The following CDK6 variants were observed in gnomAD, a reference collection of about 807,000 sequenced individuals.
CDK6 encodes cyclin-dependent kinase 6.
In CDK6, 6 loss-of-function variants were observed where a neutral mutation model predicts 37.1. That is an observed-to-expected ratio of 0.16 (90% CI 0.09 to 0.32). CDK6 has a LOEUF of 0.32. CDK6 is among the 10% of genes least tolerant of loss of function. The pLI, the probability that CDK6 is intolerant of heterozygous loss-of-function variation, is 1.00. For missense variants in CDK6, 224 were observed against 418.9 expected, an observed-to-expected ratio of 0.53 and a Z score of 4.06; for synonymous variants, 160 against 161.3, an observed-to-expected ratio of 0.99 and a Z score of 0.06.
chr7:92,735,043 A>G (rs1346615563), intron 3 of CDK6, among the ~76,000 whole-genome samples: 1 of 152,172 alleles, frequency 6.6e-6, no homozygotes. Flanking sequence ...CCACAGATCA[A>G]ATCACTTTGC....
At chr7:92,715,582 G>A (rs1256701678) in intron 4 of CDK6, among the ~76,000 whole-genome samples, 2 of 152,216 alleles carry the variant, frequency 1.3e-5, no homozygotes, top group Non-Finnish European at 2.9e-5. Context: ...TCAATCCCTA[G>A]AGAGGGGGAA....
rs188251334 is a variant in CDK6, at chr7:92,775,046, T to G, written c.234-215A>C. Among the ~76,000 whole-genome samples the G allele has an allele frequency of 6.6e-5, 10 of 152,292 alleles. No individual in the cohort carries two copies. In the East Asian group the frequency reaches 1.7e-3, roughly 26 times the overall value. ...GGCACTCAGAGTGTGCGGTTAAGCATGAGAACATCTATAGTAACAATGAGA... is the reference window on the plus strand; with the variant it reads ...GGCACTCAGAGTGTGCGGTTAAGCAGGAGAACATCTATAGTAACAATGAGA... On this transcript the variant is annotated intron_variant, in intron 2 of 7. Transcript: ENST00000424848.
chr7:92,641,159 C>T (rs1288016874), intron 5 of CDK6, among the ~76,000 whole-genome samples: 1 of 152,004 alleles, frequency 6.6e-6, no homozygotes, highest in African/African-American at 2.4e-5. Flanking sequence ...TCTTTCTTTT[C>T]CTATTTTTAT....
intron 2 of CDK6, among the ~76,000 whole-genome samples, chr7:92,790,046 G>GT (rs1800243212): frequency 6.6e-6 from 1 of 152,086 alleles, no homozygotes; most frequent in Non-Finnish European, 1.5e-5. Flanking sequence ...GTACCTAGAG[G>GT]TTGGTAAATC....
At chr7:92,696,167 T>C (rs976387242) in intron 4 of CDK6, among the ~76,000 whole-genome samples, 6 of 152,182 alleles carry the variant, frequency 3.9e-5, no homozygotes, top group Non-Finnish European at 7.4e-5. Context: ...AAGCATCCAA[T>C]TTATGCAGAA....
intron 5 of CDK6, among the ~76,000 whole-genome samples, chr7:92,630,668 T>C (rs1194806635): frequency 6.6e-6 from 1 of 152,140 alleles, no homozygotes; most frequent in Non-Finnish European, 1.5e-5. Flanking sequence ...TAGTCAGATA[T>C]CGCAGGCTCA....
At chr7:92,790,260 T>C (rs1287848888) in intron 2 of CDK6, among the ~76,000 whole-genome samples, 1 of 152,142 alleles carries the variant, frequency 6.6e-6, no homozygotes, top group East Asian at 1.9e-4. Context: ...TTTCCCCACA[T>C]GTTCAATCAA....
chr7:92,657,778 T>A (rs2116573225), intron 5 of CDK6, among the ~76,000 whole-genome samples: 1 of 152,354 alleles, frequency 6.6e-6, no homozygotes, highest in African/African-American at 2.4e-5. Flanking sequence ...TGCAGTCGTG[T>A]AATCATAGCT....
chr7:92,712,949 C>T lies in CDK6; in HGVS notation c.537+12677G>A, dbSNP rs1312071783. On this transcript the variant is annotated intron_variant, in intron 4 of 7. Transcript: ENST00000424848. ...AGTGATCTTGGCTCACTGCAACCTC[C>T]GCCTCCTGGGTTCAAGCGATTCTCC... 3.3e-5 allele frequency among the ~76,000 whole-genome samples: 5 copies of T among 152,102 alleles called. No homozygotes were observed. In the East Asian group the frequency reaches 5.8e-4, roughly 18 times the overall value.
chr7:92,708,280 G>A (rs1466380457), intron 4 of CDK6, among the ~76,000 whole-genome samples: 1 of 152,172 alleles, frequency 6.6e-6, no homozygotes. Flanking sequence ...TGACTATAAT[G>A]AGTATATATT....
At chr7:92,673,778 CTTTT>C (rs948848931) in intron 4 of CDK6, among the ~76,000 whole-genome samples, 1 of 146,700 alleles carries the variant, frequency 6.8e-6, no homozygotes, top group African/African-American at 2.5e-5. Flanking sequence ...TTGTTCCTTC[CTTTT>C]TTTTTTTCTT....
chr7:92,620,904 T>C (rs1019802953), intron 6 of CDK6, among the ~76,000 whole-genome samples: 1 of 152,004 alleles, frequency 6.6e-6, no homozygotes, highest in Non-Finnish European at 1.5e-5. Flanking sequence ...CAAGACCTTG[T>C]CTCCAAAGAA....
intron 2 of CDK6, among the ~76,000 whole-genome samples, chr7:92,830,839 T>C (rs1321369582): frequency 6.6e-6 from 1 of 152,236 alleles, no homozygotes; most frequent in Non-Finnish European, 1.5e-5. Flanking sequence ...AGGCTAATTA[T>C]CCTCAAGGAT....
At chr7:92,705,866 T>G (rs993869023) in intron 4 of CDK6, among the ~76,000 whole-genome samples, 1 of 152,242 alleles carries the variant, frequency 6.6e-6, no homozygotes, top group African/African-American at 2.4e-5. Context: ...AGGTTGAATG[T>G]GCTACTCAGT....
chr7:92,635,432 CTCTGCTCA>C (rs1796147904), intron 5 of CDK6, among the ~76,000 whole-genome samples: 1 of 152,202 alleles, frequency 6.6e-6, no homozygotes, highest in African/African-American at 2.4e-5. Context: ...GCCACTTAAT[CTCTGCTCA>C]TCTGCTAAAA....
intron 3 of CDK6, among the ~76,000 whole-genome samples, chr7:92,772,151 T>TA (rs1799732328): frequency 6.6e-6 from 1 of 152,182 alleles, no homozygotes; most frequent in Non-Finnish European, 1.5e-5. Context: ...AATTATTTTT[T>TA]AAAAAACCTT....
At chr7:92,810,243 T>C (rs1800840454) in intron 2 of CDK6, among the ~76,000 whole-genome samples, 1 of 152,208 alleles carries the variant, frequency 6.6e-6, no homozygotes, top group Non-Finnish European at 1.5e-5. Context: ...CAGCATGCCT[T>C]TGTCAGCATG....
At chr7:92,653,822 GTTT>G (rs1215127123) in intron 5 of CDK6, among the ~76,000 whole-genome samples, 2 of 151,958 alleles carry the variant, frequency 1.3e-5, no homozygotes, top group Non-Finnish European at 2.9e-5. Context: ...GTCCAGGCTG[GTTT>G]CAAACTCCTG....
At chr7:92,666,139 A>G (rs1038003613) in intron 5 of CDK6, among the ~76,000 whole-genome samples, 6 of 152,336 alleles carry the variant, frequency 3.9e-5, no homozygotes, top group African/African-American at 1.4e-4. Flanking sequence ...AAAGATTTTA[A>G]ATAAACAACT....
Sources: gnomAD v4.1 joint callset for allele counts (sites outside exome capture counted in the v4.1 genomes callset) on GRCh38, gnomAD v4.1.1 for gene constraint, MANE v1.5 for transcripts, NCBI Gene and HGNC (gene_info 2026-07-23, HGNC 2026-07-21) for gene names.